The following MBD5 variants were observed in gnomAD, a reference collection of about 807,000 sequenced individuals.
MBD5 encodes methyl-CpG-binding domain protein 5.
A neutral mutation model predicts 117.3 loss-of-function variants in MBD5; 13 were observed. The ratio of observed to expected loss-of-function variants is 0.11; its 90% confidence interval spans 0.07 to 0.18. MBD5 has a LOEUF of 0.18. MBD5 is among the 10% of genes least tolerant of loss of function. The pLI, the probability that MBD5 is intolerant of heterozygous loss-of-function variation, is 1.00. For missense variants in MBD5, 1,879 were observed against 2,093.8 expected, an observed-to-expected ratio of 0.90 and a Z score of 2.00; for synonymous variants, 727 against 766.4, an observed-to-expected ratio of 0.95 and a Z score of 0.85.
intron 4 of MBD5, among the ~76,000 whole-genome samples, chr2:148,424,789 A>C (rs1215390587): frequency 6.6e-6 from 1 of 152,158 alleles, no homozygotes; most frequent in Non-Finnish European, 1.5e-5. Context: ...TGAATACTGG[A>C]TAAATAACGA....
At chr2:148,230,951 C>T (rs1389585797) in intron 2 of MBD5, among the ~76,000 whole-genome samples, 1 of 152,196 alleles carries the variant, frequency 6.6e-6, no homozygotes, top group Non-Finnish European at 1.5e-5. Flanking sequence ...CTTCCTTCTT[C>T]TCTCCTTAAA....
At chr2:148,385,463 T>G (rs55642988) in intron 4 of MBD5, among the ~76,000 whole-genome samples, 16,234 of 151,622 alleles carry the variant, frequency 0.11, 1,044 homozygotes, top group African/African-American at 0.16. Flanking sequence ...GGAAACAACA[T>G]GTGCTGGAGA....
intron 13 of MBD5, among the ~76,000 whole-genome samples, chr2:148,510,425 T>C (rs1427507337): frequency 1.3e-5 from 2 of 152,254 alleles, no homozygotes; most frequent in Non-Finnish European, 2.9e-5. Context: ...CTTTCTGCAC[T>C]TGACTCTGTG....
chr2:148,322,364 G>A (rs943191875), intron 3 of MBD5, among the ~76,000 whole-genome samples: 5 of 152,136 alleles, frequency 3.3e-5, no homozygotes, highest in Admixed American at 1.3e-4. Context: ...GACCTGACCT[G>A]TGTATTTTTC....
At chr2:148,206,939 C>G (rs1448885161) in intron 2 of MBD5, among the ~76,000 whole-genome samples, 1 of 152,166 alleles carries the variant, frequency 6.6e-6, no homozygotes, top group Non-Finnish European at 1.5e-5. Context: ...ACACTGAATA[C>G]AGGTTCAGCT....
At chr2:148,110,219 CA>C (rs1205838297) in intron 1 of MBD5, among the ~76,000 whole-genome samples, 1 of 152,090 alleles carries the variant, frequency 6.6e-6, no homozygotes, top group Admixed American at 6.6e-5. Flanking sequence ...CACTGAGATT[CA>C]AAGATGCAAG....
At chr2:148,144,199 G>T (rs1352125676) in intron 1 of MBD5, among the ~76,000 whole-genome samples, 44 of 151,890 alleles carry the variant, frequency 2.9e-4, no homozygotes, top group Admixed American at 2.9e-3. Flanking sequence ...GATGGCCAGT[G>T]ATGATGAGCA....
chr2:148,363,093 C>G (rs899939527), intron 4 of MBD5, among the ~76,000 whole-genome samples: 1 of 152,234 alleles, frequency 6.6e-6, no homozygotes, highest in East Asian at 1.9e-4. Flanking sequence ...TCCAAGTGAT[C>G]ACAACTCCTT....
chr2:148,073,407 T>C (rs1695413106), intron 1 of MBD5, among the ~76,000 whole-genome samples: 1 of 152,196 alleles, frequency 6.6e-6, no homozygotes. Context: ...AAAGTCAGTG[T>C]CATAGTTTTT....
intron 4 of MBD5, among the ~76,000 whole-genome samples, chr2:148,364,803 A>G (rs7571063): frequency 0.19 from 28,450 of 152,170 alleles, 2,910 homozygotes; most frequent in African/African-American, 0.25. Flanking sequence ...TATCCTAAAT[A>G]TATATGCACC....
At chr2:148,237,793 A>T (rs1303648486) in intron 3 of MBD5, among the ~76,000 whole-genome samples, 1 of 152,170 alleles carries the variant, frequency 6.6e-6, no homozygotes, top group East Asian at 1.9e-4. Flanking sequence ...AAGCACAAGA[A>T]AATGAGGTAT....
At chr2:148,390,499 ATG>A (rs10566881) in intron 4 of MBD5, among the ~76,000 whole-genome samples, 8,429 of 148,688 alleles carry the variant, frequency 0.057, 760 homozygotes, top group African/African-American at 0.2. Flanking sequence ...ATGTGTATAT[ATG>A]TGTGTGTATG....
intron 8 of MBD5, among the ~76,000 whole-genome samples, chr2:148,477,945 A>C (rs369635035): frequency 6.6e-6 from 1 of 152,204 alleles, no homozygotes; most frequent in African/African-American, 2.4e-5. Context: ...AAATGGTATA[A>C]GGAGGTTTTA....
At chr2:148,134,288 A>G (rs1697121917) in intron 1 of MBD5, among the ~76,000 whole-genome samples, 1 of 152,180 alleles carries the variant, frequency 6.6e-6, no homozygotes. Flanking sequence ...ACAAACACCC[A>G]TATATACATA....
At chr2:148,051,416 T>TG (rs1221414826) in intron 1 of MBD5, among the ~76,000 whole-genome samples, 1 of 152,028 alleles carries the variant, frequency 6.6e-6, no homozygotes, top group Non-Finnish European at 1.5e-5. Context: ...TTTCTTTTTT[T>TG]TTTTTCGCCC....
intron 2 of MBD5, among the ~76,000 whole-genome samples, chr2:148,217,988 G>A (rs1699597855): frequency 6.6e-6 from 1 of 152,106 alleles, no homozygotes; most frequent in South Asian, 2.1e-4. Context: ...TTGCAAGACA[G>A]CTTTGTCCAT....
At chr2:148,504,331 C>A (rs955736957) in intron 12 of MBD5, among the ~76,000 whole-genome samples, 2 of 152,174 alleles carry the variant, frequency 1.3e-5, no homozygotes, top group Non-Finnish European at 2.9e-5. Context: ...TTACATTTTG[C>A]ACATGTAATT....
In MBD5 at chr2:148,325,456, G is replaced by T. The variant is rs138131374; in HGVS notation, c.-679-16758G>T. ...TCTGGTAGAATTCGGCTGTGAATCC[G>T]TCTGGTCCTGGACTCTTTTTCGTTG... is the stretch of plus-strand genomic sequence containing the variant. On this transcript the variant is annotated intron_variant, in intron 3 of 13. Transcript: ENST00000642680. Among the ~76,000 whole-genome samples, 31 of 152,184 alleles carry T rather than the reference G, an allele frequency of 2.0e-4. No homozygotes were observed. In the East Asian group the frequency reaches 5.0e-3, roughly 25 times the overall value.
intron 4 of MBD5, among the ~76,000 whole-genome samples, chr2:148,348,519 G>A (rs777880201): frequency 7.2e-5 from 11 of 151,956 alleles, no homozygotes; most frequent in Non-Finnish European, 1.3e-4. Flanking sequence ...AAGTCACACC[G>A]AATAAATTGC....
Sources: allele counts gnomAD v4.1 joint callset (sites outside exome capture counted in the v4.1 genomes callset), GRCh38; gene constraint gnomAD v4.1.1; transcripts MANE v1.5; gene names NCBI Gene and HGNC (gene_info 2026-07-23, HGNC 2026-07-21).